CPQ: variants seen among roughly 807,000 people sequenced by gnomAD.
CPQ encodes the protein Ser-Met dipeptidase.
A neutral mutation model predicts 45.7 loss-of-function variants in CPQ; 37 were observed. The ratio of observed to expected loss-of-function variants is 0.81; its 90% CI spans 0.62 to 1.07. The LOEUF is 1.07. Among genes scored for constraint, CPQ ranks in the 50% least tolerant of loss-of-function variants. The probability of loss-of-function intolerance (pLI) is 0.00; values close to 1 mark genes in which losing one functional copy is unlikely to be tolerated. For missense variants in CPQ, 537 were observed against 572.9 expected, an observed-to-expected ratio of 0.94 and a Z score of 0.64; for synonymous variants, 186 against 205.8, an observed-to-expected ratio of 0.90 and a Z score of 0.82.
chr8:96,803,244 C>G (rs921007998), intron 2 of CPQ, among the ~76,000 whole-genome samples: 2 of 152,188 alleles, frequency 1.3e-5, no homozygotes, highest in African/African-American at 4.8e-5. Flanking sequence ...TTTTGCCTTT[C>G]TGCTCTATTC....
At chr8:96,917,450 G>A (rs2130908603) in intron 4 of CPQ, among the ~76,000 whole-genome samples, 1 of 152,042 alleles carries the variant, frequency 6.6e-6, no homozygotes, top group South Asian at 2.1e-4. Flanking sequence ...GGGTTTTTTG[G>A]TTTTTGGTCT....
Position 96,835,199 on chromosome 8 carries a change from T to G in CPQ, c.641+19T>G. The G allele has an allele frequency of 7.1e-7, 1 of 1,411,438 alleles. No individual in the cohort carries two copies. The highest frequency in any genetic ancestry group is 2.6e-5 in the East Asian group (1 of 38,028). 87.4% of individuals were successfully genotyped at this position (1,411,438 alleles called of 1,614,324 possible). A position where few individuals can be genotyped will look rare whatever the true frequency, so the allele number is the denominator to read the frequency against. On this transcript the variant is annotated intron_variant, in intron 3 of 7. Coordinates refer to ENST00000220763, the MANE Select transcript of CPQ (RefSeq NM_016134.4). ...TCTACAGGTTTGTCACAATGTTCAT[T>G]TGAATTCCTTTCAAAAACAAGGGTT...
chr8:96,904,597 G>T (rs1267032478), intron 4 of CPQ, among the ~76,000 whole-genome samples: 1 of 152,150 alleles, frequency 6.6e-6, no homozygotes, highest in East Asian at 1.9e-4. Flanking sequence ...CTTAAACCAT[G>T]CTGATCATCA....
intron 1 of CPQ, among the ~76,000 whole-genome samples, chr8:96,734,659 C>T (rs961842398): frequency 2.0e-5 from 3 of 151,252 alleles, no homozygotes; most frequent in Admixed American, 6.6e-5. Flanking sequence ...TGCAGTGAGC[C>T]GAGATCGCCC....
chr8:96,908,747 G>GCGCGCGCGCACACACACACA (rs149476038), intron 4 of CPQ, among the ~76,000 whole-genome samples: 41 of 140,918 alleles, frequency 2.9e-4, no homozygotes, highest in African/African-American at 1.0e-3. Flanking sequence ...ATACACATGC[G>GCGCGCGCGCACACACACACA]CACACACACA....
At chr8:97,074,820 A>G (rs1810814607) in intron 7 of CPQ, among the ~76,000 whole-genome samples, 1 of 152,154 alleles carries the variant, frequency 6.6e-6, no homozygotes, top group African/African-American at 2.4e-5. Context: ...TCCTGATGAG[A>G]TAATAATATG....
chr8:96,675,271 T>C (rs989650624), intron 1 of CPQ, among the ~76,000 whole-genome samples: 3 of 151,990 alleles, frequency 2.0e-5, no homozygotes, highest in Non-Finnish European at 2.9e-5. Context: ...TAAGAGAGCA[T>C]ATTCTTTTTT....
intron 4 of CPQ, among the ~76,000 whole-genome samples, chr8:96,942,268 G>A (rs1209649087): frequency 6.6e-6 from 1 of 152,056 alleles, no homozygotes; most frequent in Non-Finnish European, 1.5e-5. Context: ...ATAATGCAGG[G>A]GGCTGAGTTT....
chr8:97,004,273 T>TA (rs765381107), intron 5 of CPQ, among the ~76,000 whole-genome samples: 1,727 of 134,864 alleles, frequency 0.013, 18 homozygotes, highest in African/African-American at 0.034. Flanking sequence ...AAATAATTTG[T>TA]AAAAAAAAAA....
intron 7 of CPQ, among the ~76,000 whole-genome samples, chr8:97,091,415 T>C (rs540722982): frequency 6.6e-6 from 1 of 152,308 alleles, no homozygotes; most frequent in South Asian, 2.1e-4. Context: ...ATGAGATTAG[T>C]TATTTGTTCA....
chr8:96,944,628 C>T (rs541904122), intron 4 of CPQ, among the ~76,000 whole-genome samples: 5 of 152,202 alleles, frequency 3.3e-5, no homozygotes, highest in Middle Eastern at 6.8e-3. Context: ...ATCCACTGTA[C>T]GAGAGTGGAT....
intron 6 of CPQ, among the ~76,000 whole-genome samples, chr8:97,048,128 T>C (rs1810292565): frequency 1.3e-5 from 2 of 152,214 alleles, no homozygotes; most frequent in African/African-American, 4.8e-5. Context: ...ATAGAGATTT[T>C]ACGTATGTCA....
intron 3 of CPQ, among the ~76,000 whole-genome samples, chr8:96,854,727 C>T (rs1811824064): frequency 6.6e-6 from 1 of 151,874 alleles, no homozygotes; most frequent in Admixed American, 6.6e-5. Flanking sequence ...CAGGGTGAGT[C>T]AGCAAGCTGG....
chr8:96,663,398 G>T (rs1026166047), intron 1 of CPQ, among the ~76,000 whole-genome samples: 2 of 152,226 alleles, frequency 1.3e-5, no homozygotes, highest in Non-Finnish European at 2.9e-5. Flanking sequence ...CTGACCTGTT[G>T]TCAGCCTTGG....
rs751506131 is a variant in CPQ, at chr8:96,890,054, A to G, written c.849+10049A>G. 7.9e-5 allele frequency among the ~76,000 whole-genome samples: 12 copies of G among 152,220 alleles called. No individual in the cohort carries two copies. In the South Asian group the frequency reaches 8.3e-4, roughly 11 times the overall value. On this transcript the variant is annotated intron_variant, in intron 4 of 7. Transcript: ENST00000220763. Reference sequence around the variant, plus strand: ...CCATACACATCTCCTGAAATCGTATATAATCTCCAAATAAAGACAATAATT... The same window carrying G: ...CCATACACATCTCCTGAAATCGTATGTAATCTCCAAATAAAGACAATAATT...
At chr8:97,001,491 A>G (rs1396249221) in intron 5 of CPQ, among the ~76,000 whole-genome samples, 2 of 152,080 alleles carry the variant, frequency 1.3e-5, no homozygotes, top group East Asian at 1.9e-4. Flanking sequence ...TTCTGCATCT[A>G]TTGAGATTAT....
intron 4 of CPQ, among the ~76,000 whole-genome samples, chr8:96,937,390 C>T (rs1480369319): frequency 4.0e-5 from 6 of 151,784 alleles, no homozygotes; most frequent in Admixed American, 1.3e-4. Flanking sequence ...AGGCAGGTGT[C>T]GGTGGCCACC....
intron 7 of CPQ, among the ~76,000 whole-genome samples, chr8:97,094,332 T>C (rs1263842497): frequency 6.6e-6 from 1 of 152,186 alleles, no homozygotes; most frequent in Non-Finnish European, 1.5e-5. Flanking sequence ...TGCAAATTGT[T>C]CAAACTCATA....
chr8:96,896,229 C>T (rs1019521515), intron 4 of CPQ, among the ~76,000 whole-genome samples: 1 of 152,092 alleles, frequency 6.6e-6, no homozygotes, highest in African/African-American at 2.4e-5. Context: ...ACCACCCTAA[C>T]CAATACTCCT....
Sources: gnomAD v4.1 joint callset for allele counts (sites outside exome capture counted in the v4.1 genomes callset) on GRCh38, gnomAD v4.1.1 for gene constraint, MANE v1.5 for transcripts, NCBI Gene and HGNC (gene_info 2026-07-23, HGNC 2026-07-21) for gene names.